Variants in SMAP1 observed in about 807,000 individuals in gnomAD.
SMAP1 encodes small ArfGAP 1, also known as stromal membrane-associated protein 1.
A neutral mutation model predicts 58.5 loss-of-function variants in SMAP1; 24 were observed. That is an observed-to-expected ratio of 0.41 (90% CI 0.30 to 0.58). The LOEUF (loss-of-function observed/expected upper bound fraction) is 0.58. SMAP1 is among the 20% of genes least tolerant of loss of function. The pLI is 0.29. For synonymous variants in SMAP1, 216 were observed against 196.6 expected, an observed-to-expected ratio of 1.10 and a Z score of -0.82; for missense variants, 563 against 566.3, an observed-to-expected ratio of 0.99 and a Z score of 0.06.
intron 4 of SMAP1, among the ~76,000 whole-genome samples, chr6:70,784,191 C>T (rs1192433767): frequency 6.6e-6 from 1 of 152,134 alleles, no homozygotes; most frequent in Non-Finnish European, 1.5e-5. Flanking sequence ...AATTTCATAT[C>T]CAGCCAAACT....
intron 1 of SMAP1, among the ~76,000 whole-genome samples, chr6:70,688,973 A>G (rs1163215499): frequency 1.3e-5 from 2 of 151,814 alleles, no homozygotes; most frequent in East Asian, 3.9e-4. Flanking sequence ...TATGGATCAA[A>G]GTTTTTTTTT....
intron 4 of SMAP1, among the ~76,000 whole-genome samples, chr6:70,775,711 AG>A (rs1434514781): frequency 6.6e-6 from 1 of 152,166 alleles, no homozygotes; most frequent in Non-Finnish European, 1.5e-5. Context: ...TTAAGGTAAA[AG>A]TCTGTTTACT....
intron 1 of SMAP1, among the ~76,000 whole-genome samples, chr6:70,702,890 C>T (rs575769180): frequency 1.3e-5 from 2 of 152,264 alleles, no homozygotes; most frequent in East Asian, 1.9e-4. Context: ...CTTTGGCCTT[C>T]CAAAGTGCTG....
chr6:70,698,685 G>T (rs551751780), intron 1 of SMAP1, among the ~76,000 whole-genome samples: 2 of 152,034 alleles, frequency 1.3e-5, no homozygotes, highest in African/African-American at 2.4e-5. Flanking sequence ...AGACTCTGAC[G>T]CATTCTTCAG....
intron 2 of SMAP1, among the ~76,000 whole-genome samples, chr6:70,746,447 T>C (rs978319344): frequency 1.3e-5 from 2 of 152,226 alleles, no homozygotes; most frequent in African/African-American, 2.4e-5. Flanking sequence ...TTTTTGTCAT[T>C]GGTTCTGTTT....
Position 70,736,404 on chromosome 6 carries a change from C to A in SMAP1, c.252+3893C>A, listed in dbSNP as rs914153020. Among the ~76,000 whole-genome samples the A allele has an allele frequency of 3.2e-4, 48 of 151,792 alleles. 1 individual carries two copies. Among genetic ancestry groups the A allele is most frequent in the Non-Finnish European group, 7.4e-5 (5 of 67,944 alleles). ...ATAGCTTCCTTCCCCTCCCCCCACCCAAGATATTATACATTTGGGTGGAGT... is the reference window on the plus strand; with the variant it reads ...ATAGCTTCCTTCCCCTCCCCCCACCAAAGATATTATACATTTGGGTGGAGT... On this transcript the variant is annotated intron_variant, in intron 2 of 10. Coordinates refer to ENST00000370455, the MANE Select transcript of SMAP1 (RefSeq NM_001044305.3).
chr6:70,749,559 C>T (rs1010014411), intron 2 of SMAP1, among the ~76,000 whole-genome samples: 1 of 151,294 alleles, frequency 6.6e-6, no homozygotes, highest in African/African-American at 2.4e-5. Flanking sequence ...TAATCATTTG[C>T]AATATCTGCT....
At chr6:70,769,869 A>G (rs1431809298) in intron 3 of SMAP1, among the ~76,000 whole-genome samples, 1 of 151,978 alleles carries the variant, frequency 6.6e-6, no homozygotes, top group African/African-American at 2.4e-5. Context: ...ACAATTTGGC[A>G]TGTTTTTGCA....
intron 8 of SMAP1, among the ~76,000 whole-genome samples, chr6:70,853,763 A>G (rs1448118592): frequency 2.0e-5 from 3 of 152,304 alleles, no homozygotes; most frequent in East Asian, 1.9e-4. Context: ...TGTTATTTCA[A>G]TTAAGATTAA....
chr6:70,718,907 TC>T (rs1278052502), intron 1 of SMAP1, among the ~76,000 whole-genome samples: 1 of 152,094 alleles, frequency 6.6e-6, no homozygotes, highest in African/African-American at 2.4e-5. Flanking sequence ...AAAAGTCCTT[TC>T]TTGTTTTTCT....
At chr6:70,730,609 A>G (rs958079903) in intron 1 of SMAP1, among the ~76,000 whole-genome samples, 2 of 152,222 alleles carry the variant, frequency 1.3e-5, no homozygotes, top group Non-Finnish European at 2.9e-5. Flanking sequence ...CAAATTTAAA[A>G]GCAGGATATT....
chr6:70,771,038 C>T (rs962549677), intron 3 of SMAP1, among the ~76,000 whole-genome samples: 3 of 151,934 alleles, frequency 2.0e-5, no homozygotes, highest in African/African-American at 2.4e-5. Context: ...TGCCTGGGTA[C>T]CAGCAGTGGT....
intron 3 of SMAP1, among the ~76,000 whole-genome samples, chr6:70,763,106 C>CTTTTTTTTTTTTTTTTT (rs35936929): frequency 1.2e-5 from 1 of 84,462 alleles, no homozygotes; most frequent in African/African-American, 4.9e-5. Context: ...ACAGATATTA[C>CTTTTTTTTTTTTTTTTT]TTTTTTTTTT....
chr6:70,840,061 G>T (rs1770745824), intron 7 of SMAP1, among the ~76,000 whole-genome samples: 1 of 152,134 alleles, frequency 6.6e-6, no homozygotes, highest in Non-Finnish European at 1.5e-5. Context: ...GGGGGCGTAG[G>T]TGCCTTGAAG....
In SMAP1 at chr6:70,857,979, A is replaced by G; in HGVS notation, c.1019A>G (p.Gln340Arg). Residue 340 changes from glutamine to arginine, a missense_variant, in exon 10 of 11, where the codon CAG (glutamine) becomes CGG (arginine). Physicochemically the swap from Gln to Arg is conservative, Grantham distance 43 (BLOSUM62 1). Transcript: ENST00000370455. ...PFTSQAPAAF[Q>R]GFPSMGVPVP... ...ACCTCACAAGCACCAGCTGCATTTCAGGGCTTTCCATCGATGGGCGTGCCT... is the reference window on the plus strand; with the variant it reads ...ACCTCACAAGCACCAGCTGCATTTCGGGGCTTTCCATCGATGGGCGTGCCT... 1.2e-6 allele frequency: 2 copies of G among 1,614,152 alleles called. No homozygotes were observed. Among genetic ancestry groups the G allele is most frequent in the Non-Finnish European group, 1.7e-6 (2 of 1,180,008 alleles).
chr6:70,770,280 A>T (rs13198627), intron 3 of SMAP1, among the ~76,000 whole-genome samples: 15,155 of 151,842 alleles, frequency 0.1, 1,046 homozygotes, highest in East Asian at 0.2. Flanking sequence ...TATTTCCTGA[A>T]TCTGAATGTT....
intron 5 of SMAP1, among the ~76,000 whole-genome samples, chr6:70,794,373 G>C (rs1010865666): frequency 6.6e-6 from 1 of 152,078 alleles, no homozygotes; most frequent in Non-Finnish European, 1.5e-5. Context: ...ATATTACTTC[G>C]AAGCCTGTAT....
chr6:70,677,511 C>T lies in SMAP1; in HGVS notation c.118+9370C>T, dbSNP rs556824013. Among the ~76,000 whole-genome samples the T allele has an allele frequency of 8.6e-4, 118 of 136,910 alleles. 1 individual carries two copies. Among genetic ancestry groups the T allele is most frequent in the Non-Finnish European group, 1.4e-3 (91 of 66,144 alleles). 89.8% of individuals were successfully genotyped at this position (136,910 alleles called of 152,430 possible). On this transcript the variant is annotated intron_variant, in intron 1 of 10. Coordinates refer to ENST00000370455, the MANE Select transcript of SMAP1 (RefSeq NM_001044305.3). ...TCGGCTCATTGCAAACTCTGCCTGC[C>T]GGGTTGATGCCATTCTTCTGCCTCA...
intron 5 of SMAP1, among the ~76,000 whole-genome samples, chr6:70,795,436 A>C (rs541166806): frequency 1.6e-4 from 25 of 152,332 alleles, no homozygotes; most frequent in African/African-American, 5.5e-4. Flanking sequence ...TCTCCAGCAG[A>C]TTCTGTGTCT....
Sources: allele counts gnomAD v4.1 joint callset (sites outside exome capture counted in the v4.1 genomes callset), GRCh38; gene constraint gnomAD v4.1.1; transcripts MANE v1.5; gene names NCBI Gene and HGNC (gene_info 2026-07-23, HGNC 2026-07-21).